The following TTC17 variants were observed in gnomAD, a reference collection of about 807,000 sequenced individuals.
The protein encoded by TTC17 is tetratricopeptide repeat protein 17.
Under a neutral mutation model 143.8 loss-of-function variants are expected in TTC17, and 58 were observed. The observed-to-expected ratio is 0.40, with a 90% CI of 0.33 to 0.50. The LOEUF is 0.50. Among genes scored for constraint, TTC17 ranks in the 20% least tolerant of loss-of-function variants. TTC17 has a pLI of 0.49. For missense variants in TTC17, 1,273 were observed against 1,392.5 expected (o/e 0.91, Z 1.37); for synonymous variants, 501 against 497.8 (o/e 1.01, Z -0.09).
chr11:43,490,538 C>T (rs184821514), intron 22 of TTC17, among the ~76,000 whole-genome samples, 180 bp downstream of exon 22: 38 of 152,342 alleles, frequency 2.5e-4, no homozygotes, highest in African/African-American at 9.1e-4. Flanking sequence ...TGAACTATCC[C>T]TGCTGCCTTC....
intron 21 of TTC17, chr11:43,486,331 A>AT (rs1221702766): frequency 2.0e-5 from 8 of 404,044 alleles, no homozygotes; most frequent in African/African-American, 1.6e-4. Context: ...CGGGATGTGA[A>AT]TCATCGTGTA....
intron 21 of TTC17, among the ~76,000 whole-genome samples, chr11:43,472,418 T>C (rs61884793): frequency 0.17 from 26,051 of 152,148 alleles, 2,939 homozygotes; most frequent in Non-Finnish European, 0.24. Context: ...TCAGATAATA[T>C]GGAATTTAAG....
intron 21 of TTC17, among the ~76,000 whole-genome samples, chr11:43,485,443 G>A (rs1446502224): frequency 6.6e-6 from 1 of 152,066 alleles, no homozygotes; most frequent in Non-Finnish European, 1.5e-5. Context: ...ATGGAGTAAG[G>A]AAAGTTTTCT....
intron 1 of TTC17, among the ~76,000 whole-genome samples, chr11:43,370,870 G>A (rs1374178353): frequency 1.3e-5 from 2 of 152,096 alleles, no homozygotes; most frequent in Non-Finnish European, 2.9e-5. Context: ...GCAGTGGCAC[G>A]ATCATGGCTC....
At chr11:43,460,174 C>T (rs1374276100) in intron 21 of TTC17, among the ~76,000 whole-genome samples, 2 of 151,840 alleles carry the variant, frequency 1.3e-5, no homozygotes, top group African/African-American at 4.8e-5. Flanking sequence ...ATTTTGTAAC[C>T]CTGCAAGTCC....
chr11:43,381,941 T>C (rs889870279), intron 2 of TTC17, among the ~76,000 whole-genome samples: 1 of 152,190 alleles, frequency 6.6e-6, no homozygotes, highest in Non-Finnish European at 1.5e-5. Context: ...ACGTTTGAAA[T>C]GCCTATCAGG....
intron 1 of TTC17, among the ~76,000 whole-genome samples, chr11:43,368,967 T>A (rs1040394240): frequency 1.3e-5 from 2 of 152,216 alleles, no homozygotes; most frequent in Non-Finnish European, 2.9e-5. Flanking sequence ...TTGTCCTTGC[T>A]TCTTCCTCTG....
intron 1 of TTC17, among the ~76,000 whole-genome samples, chr11:43,369,399 G>C (rs893557701): frequency 6.6e-6 from 1 of 152,140 alleles, no homozygotes; most frequent in Non-Finnish European, 1.5e-5. Flanking sequence ...TAAATTTACA[G>C]CTGTAAGGAT....
chr11:43,476,060 G>T (rs897245691), intron 21 of TTC17, among the ~76,000 whole-genome samples: 1 of 152,182 alleles, frequency 6.6e-6, no homozygotes, highest in African/African-American at 2.4e-5. Flanking sequence ...TAGAGGTAAT[G>T]ACAGATCCAG....
intron 21 of TTC17, among the ~76,000 whole-genome samples, chr11:43,488,609 C>CA: frequency 6.6e-6 from 1 of 152,012 alleles, no homozygotes; most frequent in East Asian, 1.9e-4. Flanking sequence ...TTTTACTTTA[C>CA]AGCAGATTAA....
chr11:43,381,424 G>T (rs969850224), intron 2 of TTC17, among the ~76,000 whole-genome samples: 4 of 152,172 alleles, frequency 2.6e-5, no homozygotes, highest in African/African-American at 9.7e-5. Context: ...GCACTGTGGA[G>T]TTAAGGGAGC....
intron 1 of TTC17, among the ~76,000 whole-genome samples, chr11:43,369,212 T>C (rs1476880868): frequency 6.6e-6 from 1 of 152,238 alleles, no homozygotes; most frequent in Non-Finnish European, 1.5e-5. Flanking sequence ...AGCACTATTA[T>C]AGGAAGTTAC....
intron 2 of TTC17, among the ~76,000 whole-genome samples, chr11:43,388,111 CA>C (rs1420898574): frequency 1.3e-5 from 2 of 151,994 alleles, no homozygotes; most frequent in Non-Finnish European, 2.9e-5. Context: ...CACATGTATA[CA>C]AGGAGACATT....
At chr11:43,446,128 T>C in intron 18 of TTC17, 2 of 1,411,572 alleles carry the variant, frequency 1.4e-6, no homozygotes, top group East Asian at 5.0e-5. Context: ...CGCCTCTGTG[T>C]ACCCTTCAAC....
chr11:43,484,820 G>A (rs1227890490), intron 21 of TTC17, among the ~76,000 whole-genome samples: 1 of 152,174 alleles, frequency 6.6e-6, no homozygotes, highest in Admixed American at 6.5e-5. Flanking sequence ...TCTGTGGCCT[G>A]TTAGGAATTG....
At chr11:43,383,325 A>G (rs965427365) in intron 2 of TTC17, among the ~76,000 whole-genome samples, 8 of 152,272 alleles carry the variant, frequency 5.3e-5, no homozygotes, top group African/African-American at 1.9e-4. Context: ...TTGAACTCTG[A>G]TTCAAACCAA....
chr11:43,447,022 G>A (rs1289453125), intron 18 of TTC17, among the ~76,000 whole-genome samples: 3 of 152,042 alleles, frequency 2.0e-5, no homozygotes, highest in African/African-American at 7.2e-5. Context: ...AGAAATGAGG[G>A]TTAAAACCTA....
intron 16 of TTC17, among the ~76,000 whole-genome samples, chr11:43,438,256 C>T (rs533155821): frequency 1.3e-5 from 2 of 152,284 alleles, no homozygotes; most frequent in African/African-American, 4.8e-5. Flanking sequence ...TTCCCGTGTT[C>T]AAGCAATTCT....
intron 5 of TTC17, among the ~76,000 whole-genome samples, chr11:43,392,153 G>A (rs1032969829): frequency 2.0e-5 from 3 of 152,234 alleles, no homozygotes; most frequent in Non-Finnish European, 4.4e-5. Flanking sequence ...CCCAGGAAGA[G>A]ATGCTGGAAA....
Sources: gnomAD v4.1 joint callset for allele counts (sites outside exome capture counted in the v4.1 genomes callset) on GRCh38, gnomAD v4.1.1 for gene constraint, MANE v1.5 for transcripts, NCBI Gene and HGNC (gene_info 2026-07-23, HGNC 2026-07-21) for gene names.